DGKG: variants seen among roughly 807,000 people sequenced by gnomAD.
The protein encoded by DGKG is diacylglycerol kinase gamma.
Under a neutral mutation model 105.3 loss-of-function variants are expected in DGKG, and 78 were observed. The observed-to-expected ratio is 0.74, with a 90% CI of 0.62 to 0.89. The LOEUF is 0.89. Ranked by LOEUF, DGKG falls within the 40% of genes least tolerant of loss-of-function variation. The pLI is 0.00. For missense variants in DGKG, 958 were observed against 1,020.1 expected, an observed-to-expected ratio of 0.94 and a Z score of 0.83; for synonymous variants, 346 against 367.1, an observed-to-expected ratio of 0.94 and a Z score of 0.66.
chr3:186,264,185 C>A (rs1309675593), intron 14 of DGKG, among the ~76,000 whole-genome samples: 2 of 152,212 alleles, frequency 1.3e-5, no homozygotes, highest in Admixed American at 6.5e-5. Flanking sequence ...TGTTTCCCAC[C>A]TTTCTGCCCT....
intron 21 of DGKG, among the ~76,000 whole-genome samples, chr3:186,194,961 CGGGCGTGGTGGGGGACGCCTGTAATCT>C (rs1197285203): frequency 5.3e-5 from 8 of 152,060 alleles, no homozygotes; most frequent in Admixed American, 1.3e-4. Context: ...AAAAATTAGC[CGGGCGTGGTGGGGGACGCCTGTAATCT>C]CAGCTACTCT....
intron 20 of DGKG, among the ~76,000 whole-genome samples, chr3:186,235,200 C>A (rs1171026541): frequency 6.6e-6 from 1 of 152,140 alleles, no homozygotes; most frequent in Non-Finnish European, 1.5e-5. Flanking sequence ...ATCAAAGGTT[C>A]TTGAGCACAA....
chr3:186,190,352 T>C (rs1447761069), intron 21 of DGKG, among the ~76,000 whole-genome samples: 1 of 152,174 alleles, frequency 6.6e-6, no homozygotes, highest in African/African-American at 2.4e-5. Flanking sequence ...ACCCCCAACA[T>C]TGAAAACTAC....
chr3:186,315,871 C>CACTG (rs1260574326), intron 2 of DGKG, among the ~76,000 whole-genome samples: 1 of 152,210 alleles, frequency 6.6e-6, no homozygotes, highest in Non-Finnish European at 1.5e-5. Context: ...CCTGTGACTG[C>CACTG]ACTGACCAGT....
chr3:186,355,956 G>T (rs1339193330), intron 1 of DGKG, among the ~76,000 whole-genome samples: 3 of 152,214 alleles, frequency 2.0e-5, no homozygotes, highest in Non-Finnish European at 4.4e-5. Context: ...ACTGAAATTA[G>T]TTTATGTCAG....
Position 186,149,851 on chromosome 3 carries a change from T to A in DGKG, c.*239A>T. On this transcript the variant is annotated 3_prime_UTR_variant, in exon 25 of 25. Coordinates refer to ENST00000265022, the MANE Select transcript of DGKG (RefSeq NM_001346.3). Reference sequence around the variant, plus strand: ...AAGCCAGCCACAACCTCATGGGCCCTAAGTCCATTCAAAATGTTTTGTTGG... The same window carrying A: ...AAGCCAGCCACAACCTCATGGGCCCAAAGTCCATTCAAAATGTTTTGTTGG... 7.8e-7 allele frequency: 1 copy of A among 1,289,662 alleles called. No individual in the cohort carries two copies. The highest frequency in any genetic ancestry group is 9.8e-7 in the Non-Finnish European group (1 of 1,017,234). 79.9% of individuals were successfully genotyped at this position (1,289,662 alleles called of 1,614,324 possible).
chr3:186,180,536 A>G (rs1261044003), intron 22 of DGKG, among the ~76,000 whole-genome samples: 1 of 152,122 alleles, frequency 6.6e-6, no homozygotes, highest in African/African-American at 2.4e-5. Context: ...TCTCTGTTAA[A>G]TGCAAACTTT....
At chr3:186,299,021 G>A (rs1057019341) in intron 3 of DGKG, among the ~76,000 whole-genome samples, 4 of 152,172 alleles carry the variant, frequency 2.6e-5, no homozygotes, top group Non-Finnish European at 2.9e-5. Flanking sequence ...TCCCAGTACC[G>A]CCTGGCTTCT....
intron 1 of DGKG, among the ~76,000 whole-genome samples, chr3:186,325,912 T>A: frequency 6.6e-6 from 1 of 152,176 alleles, no homozygotes; most frequent in Non-Finnish European, 1.5e-5. Flanking sequence ...ACATCCTTAT[T>A]TTCTAGCACT....
chr3:186,284,732 C>A lies in DGKG; in HGVS notation c.545-23G>T. ...TGACTGTAAGAAACACAGAGGTAAG[C>A]CTTGAGGTGTCCTCTAAGAAGCGCG... On this transcript the variant is annotated intron_variant, in intron 6 of 24. Transcript: ENST00000265022. The surrounding 1 kb of genome is among the most constrained non-coding windows in gnomAD (Gnocchi z 4.0). 1 of 1,611,238 alleles carries A rather than the reference C, an allele frequency of 6.2e-7. No individual in the cohort carries two copies. Among genetic ancestry groups the A allele is most frequent in the Non-Finnish European group, 8.5e-7 (1 of 1,177,536 alleles).
intron 17 of DGKG, among the ~76,000 whole-genome samples, chr3:186,253,949 C>A (rs1043066731): frequency 6.6e-6 from 1 of 152,228 alleles, no homozygotes; most frequent in African/African-American, 2.4e-5. Context: ...TTGGCCCCCA[C>A]AACCAGTTTG....
chr3:186,266,342 C>T (rs1268056227), intron 13 of DGKG, among the ~76,000 whole-genome samples: 1 of 152,234 alleles, frequency 6.6e-6, no homozygotes, highest in Non-Finnish European at 1.5e-5. Flanking sequence ...GTTTCCCATT[C>T]TATGAATGCC....
At chr3:186,358,684 T>A (rs1445368663) in intron 1 of DGKG, among the ~76,000 whole-genome samples, 1 of 151,950 alleles carries the variant, frequency 6.6e-6, no homozygotes, top group African/African-American at 2.4e-5. Flanking sequence ...TCAGACAAAC[T>A]CTGTTACTTA....
At chr3:186,349,964 A>G (rs2108671675) in intron 1 of DGKG, among the ~76,000 whole-genome samples, 1 of 151,958 alleles carries the variant, frequency 6.6e-6, no homozygotes, top group East Asian at 1.9e-4. Flanking sequence ...GGCTCACTGC[A>G]ACCTCTGTCA....
intron 1 of DGKG, among the ~76,000 whole-genome samples, chr3:186,349,783 T>C (rs1044613965): frequency 6.6e-6 from 1 of 152,204 alleles, no homozygotes; most frequent in African/African-American, 2.4e-5. Flanking sequence ...TGGTAAAATA[T>C]GCATAACATA....
At chr3:186,178,605 C>A (rs1717206156) in intron 22 of DGKG, among the ~76,000 whole-genome samples, 1 of 152,230 alleles carries the variant, frequency 6.6e-6, no homozygotes, top group African/African-American at 2.4e-5. Flanking sequence ...AGATGCTGAG[C>A]AGCCTCCTGA....
intron 1 of DGKG, among the ~76,000 whole-genome samples, chr3:186,330,072 C>T (rs1026434288): frequency 1.3e-5 from 2 of 152,128 alleles, no homozygotes; most frequent in East Asian, 3.9e-4. Context: ...ATTTACATGT[C>T]CCTATAGAGG....
intron 14 of DGKG, 35 bp downstream of exon 14, chr3:186,265,212 A>G: frequency 1.2e-6 from 2 of 1,609,728 alleles, no homozygotes; most frequent in Middle Eastern, 1.7e-4. Flanking sequence ...GGAACAACTT[A>G]GAAGGTGCAA....
intron 22 of DGKG, among the ~76,000 whole-genome samples, chr3:186,171,358 CAAT>C (rs759860968): frequency 6.6e-6 from 1 of 151,998 alleles, no homozygotes; most frequent in Non-Finnish European, 1.5e-5. Context: ...AGATAATAAT[CAAT>C]AATAATAATA....
Sources: allele counts gnomAD v4.1 joint callset (sites outside exome capture counted in the v4.1 genomes callset), GRCh38; gene constraint gnomAD v4.1.1; non-coding constraint Gnocchi (gnomAD v3.1); transcripts MANE v1.5; gene names NCBI Gene and HGNC (gene_info 2026-07-23, HGNC 2026-07-21).